The following FAM53B variants were observed in gnomAD, a reference collection of about 807,000 sequenced individuals.
FAM53B encodes the protein family with sequence similarity 53 member B.
In FAM53B, 12 loss-of-function variants were observed where a neutral mutation model predicts 32.7. That is an observed-to-expected ratio of 0.37 (90% CI 0.24 to 0.59). The LOEUF (loss-of-function observed/expected upper bound fraction) is 0.59, where lower values mean the gene tolerates loss of function less well. FAM53B is among the 20% of genes least tolerant of loss of function. The pLI is 0.72. For synonymous variants in FAM53B, 234 were observed against 228.7 expected, an observed-to-expected ratio of 1.02 and a Z score of -0.21; for missense variants, 477 against 577.7, an observed-to-expected ratio of 0.83 and a Z score of 1.79.
rs1950160233 is a variant in FAM53B, at chr10:124,733,876, C to A, written c.-175+10137G>T. On this transcript the variant is annotated intron_variant, in intron 1 of 4. Coordinates refer to ENST00000337318, the MANE Select transcript of FAM53B (RefSeq NM_014661.4). The surrounding 1 kb of genome is among the most constrained non-coding windows in gnomAD (Gnocchi z 4.3). ...CATCCTGACCTAGATCAGCTCCGCT[C>A]CCCTCTGAAATCTACACTCGTCTCA... Among the ~76,000 whole-genome samples the A allele has an allele frequency of 6.6e-6, 1 of 151,376 alleles. No homozygotes were observed. Among genetic ancestry groups the A allele is most frequent in the African/African-American group, 2.4e-5 (1 of 41,086 alleles).
At chr10:124,728,224 A>G (rs945688771) in intron 1 of FAM53B, among the ~76,000 whole-genome samples, 1 of 152,232 alleles carries the variant, frequency 6.6e-6, no homozygotes, top group Non-Finnish European at 1.5e-5. Context: ...TCCATGCACA[A>G]CAAAGCAGAC....
At chr10:124,730,133 T>C (rs2134100938) in intron 1 of FAM53B, among the ~76,000 whole-genome samples, 1 of 152,360 alleles carries the variant, frequency 6.6e-6, no homozygotes, top group African/African-American at 2.4e-5. Context: ...AGTAGTTCTT[T>C]ATCTGATGCC....
chr10:124,710,227 G>A (rs1356431861), intron 1 of FAM53B, among the ~76,000 whole-genome samples: 1 of 152,218 alleles, frequency 6.6e-6, no homozygotes, highest in Non-Finnish European at 1.5e-5. Flanking sequence ...TGCAGCTGTG[G>A]GGGCTCCCAA....
Position 124,682,364 on chromosome 10 carries a change from C to T in FAM53B, c.149G>A (p.Arg50Gln), listed in dbSNP as rs570352711. 17 of 1,599,902 alleles carry T rather than the reference C, an allele frequency of 1.1e-5. No homozygotes were observed. The highest frequency in any genetic ancestry group is 9.9e-5 in the South Asian group (9 of 90,858). The change falls in exon 4 of 5, where the codon CGA becomes CAA. Residue 50 changes from arginine (R) to glutamine (Q), a missense_variant. By Grantham distance (43) the Arg-to-Gln change is conservative. Coordinates refer to ENST00000337318, the MANE Select transcript of FAM53B (RefSeq NM_014661.4). The surrounding 1 kb of genome is among the most constrained non-coding windows in gnomAD (Gnocchi z 5.2). Reference protein sequence around the residue: ...SCGIMENDRWRDLDRKCPLQI... With the variant: ...SCGIMENDRWQDLDRKCPLQI... ...AAGAGGGCATTTCCTGTCCAGGTCT[C>T]GCCATCTGTCATTTTCTGGTTCATA...
At chr10:124,640,478 C>T (rs1397666229) in intron 4 of FAM53B, among the ~76,000 whole-genome samples, 2 of 152,212 alleles carry the variant, frequency 1.3e-5, no homozygotes, top group Non-Finnish European at 1.5e-5. Flanking sequence ...TGTGTTTCTT[C>T]CTGTGCAGAA....
chr10:124,729,626 T>C (rs967248206), intron 1 of FAM53B, among the ~76,000 whole-genome samples: 2 of 152,192 alleles, frequency 1.3e-5, no homozygotes, highest in African/African-American at 2.4e-5. Flanking sequence ...GTGTGAAGAT[T>C]TGTGCAGACT....
intron 1 of FAM53B, among the ~76,000 whole-genome samples, chr10:124,714,616 G>A (rs1328570078): frequency 2.6e-5 from 4 of 152,024 alleles, no homozygotes; most frequent in Admixed American, 6.6e-5. Context: ...AGAATTAGCC[G>A]GGTGTGGTGG....
chr10:124,652,450 A>AG (rs1949562141), intron 4 of FAM53B, among the ~76,000 whole-genome samples: 1 of 152,094 alleles, frequency 6.6e-6, no homozygotes, highest in Non-Finnish European at 1.5e-5. Context: ...AGAGAGAAGA[A>AG]GGGGCCCGGC....
chr10:124,690,416 T>A (rs1291386181), intron 3 of FAM53B, among the ~76,000 whole-genome samples: 1 of 152,230 alleles, frequency 6.6e-6, no homozygotes, highest in Non-Finnish European at 1.5e-5. Context: ...GGTCATGCTC[T>A]TGCAGTTGGG....
chr10:124,719,202 T>C (rs1950054243), intron 1 of FAM53B, among the ~76,000 whole-genome samples: 1 of 152,162 alleles, frequency 6.6e-6, no homozygotes, highest in South Asian at 2.1e-4. Flanking sequence ...TCAACGGGTC[T>C]TGAGCTCCTT....
chr10:124,717,251 T>C (rs1272974416), intron 1 of FAM53B, among the ~76,000 whole-genome samples: 1 of 152,182 alleles, frequency 6.6e-6, no homozygotes, highest in Non-Finnish European at 1.5e-5. Context: ...TTCTGACTAG[T>C]GAGACTCTAA....
At chr10:124,669,307 T>G (rs1949692656) in intron 4 of FAM53B, among the ~76,000 whole-genome samples, 1 of 152,170 alleles carries the variant, frequency 6.6e-6, no homozygotes, top group Non-Finnish European at 1.5e-5. Flanking sequence ...GTCCCGGACT[T>G]ATACAACAGG....
chr10:124,623,633 A>G (rs779976990), intron 4 of FAM53B, 29 bp from the exon 5 acceptor site: 2 of 1,594,900 alleles, frequency 1.3e-6, no homozygotes, highest in Non-Finnish European at 8.5e-7. Flanking sequence ...ACAGGTTACT[A>G]AGGGTTACTC....
chr10:124,672,264 C>G (rs547200550), intron 4 of FAM53B, among the ~76,000 whole-genome samples: 26 of 152,384 alleles, frequency 1.7e-4, no homozygotes, highest in African/African-American at 6.0e-4. Context: ...CACCCATCTC[C>G]GTGATGCACC....
intron 4 of FAM53B, among the ~76,000 whole-genome samples, chr10:124,657,236 GTGTC>G (rs1365891367): frequency 2.0e-5 from 3 of 150,676 alleles, no homozygotes; most frequent in Non-Finnish European, 4.4e-5. Context: ...AAAAAAAACT[GTGTC>G]TGCTTTTCAT....
intron 1 of FAM53B, among the ~76,000 whole-genome samples, chr10:124,736,895 C>A (rs1324828543): frequency 3.3e-5 from 5 of 152,238 alleles, no homozygotes; most frequent in Non-Finnish European, 7.3e-5. Flanking sequence ...GCCCACTGGG[C>A]AATGCACGTG....
chr10:124,637,436 T>A (rs998326820), intron 4 of FAM53B, among the ~76,000 whole-genome samples: 1 of 152,112 alleles, frequency 6.6e-6, no homozygotes, highest in African/African-American at 2.4e-5. Flanking sequence ...TGCCCTACCC[T>A]GCAAAGCCAC....
chr10:124,637,731 T>G (rs536147306), intron 4 of FAM53B, among the ~76,000 whole-genome samples: 1 of 152,250 alleles, frequency 6.6e-6, no homozygotes, highest in East Asian at 1.9e-4. Context: ...CCCTGCCTAC[T>G]CAGGCTCCCC....
At chr10:124,640,382 G>A (rs962011713) in intron 4 of FAM53B, among the ~76,000 whole-genome samples, 3 of 152,230 alleles carry the variant, frequency 2.0e-5, no homozygotes, top group African/African-American at 4.8e-5. Context: ...CAGTGGCTGG[G>A]ATAACAAGGG....
Sources: allele counts gnomAD v4.1 joint callset (sites outside exome capture counted in the v4.1 genomes callset), GRCh38; gene constraint gnomAD v4.1.1; non-coding constraint Gnocchi (gnomAD v3.1); transcripts MANE v1.5; gene names NCBI Gene and HGNC (gene_info 2026-07-23, HGNC 2026-07-21).